The following OVCH1 variants were observed in gnomAD, a reference collection of about 807,000 sequenced individuals.
OVCH1 encodes the protein ovochymase 1.
A neutral mutation model predicts 138.4 loss-of-function variants in OVCH1; 139 were observed. The ratio of observed to expected loss-of-function variants is 1.00; its 90% CI spans 0.87 to 1.16. The LOEUF is 1.16. Ranked by LOEUF, OVCH1 falls within the 50% of genes most tolerant of loss-of-function variation. OVCH1 has a pLI of 0.00. For missense variants in OVCH1, 1,367 were observed against 1,357.9 expected, an observed-to-expected ratio of 1.01 and a Z score of -0.11; for synonymous variants, 453 against 467.8, an observed-to-expected ratio of 0.97 and a Z score of 0.41.
chr12:29,464,006 T>C (rs1048969167), intron 18 of OVCH1, among the ~76,000 whole-genome samples: 11 of 152,184 alleles, frequency 7.2e-5, no homozygotes, highest in African/African-American at 2.2e-4. Flanking sequence ...AGTGGATAAA[T>C]TCTGTGCCAC....
chr12:29,469,864 T>C (rs1212013823), intron 16 of OVCH1, among the ~76,000 whole-genome samples: 1 of 152,064 alleles, frequency 6.6e-6, no homozygotes, highest in African/African-American at 2.4e-5. Context: ...GAGAGACTGG[T>C]TCTCAAAACA....
chr12:29,436,860 G>A (rs1941371546), intron 26 of OVCH1, among the ~76,000 whole-genome samples: 1 of 152,188 alleles, frequency 6.6e-6, no homozygotes, highest in African/African-American at 2.4e-5. Flanking sequence ...AGAGTGAGCA[G>A]CAGCAAGATT....
At chr12:29,404,425 G>A in the OVCH1 span, among the ~76,000 whole-genome samples, 1 of 152,162 alleles carries the variant, frequency 6.6e-6, no homozygotes, top group African/African-American at 2.4e-5. Flanking sequence ...CAGGGCACAG[G>A]TTGTTCTCTT....
At chr12:29,445,624 A>G (rs1489266619) in intron 22 of OVCH1, among the ~76,000 whole-genome samples, 2 of 152,184 alleles carry the variant, frequency 1.3e-5, no homozygotes, top group Non-Finnish European at 2.9e-5. Context: ...TCCAATATCC[A>G]TCATTATCTA....
At chr12:29,497,040 G>A (rs1943437117) in intron 1 of OVCH1, among the ~76,000 whole-genome samples, 1 of 152,170 alleles carries the variant, frequency 6.6e-6, no homozygotes, top group Non-Finnish European at 1.5e-5. Context: ...GGAGGCCCAG[G>A]TAGGCTGATC....
At chr12:29,483,824 G>A (rs993898922) in intron 8 of OVCH1, among the ~76,000 whole-genome samples, 8 of 151,990 alleles carry the variant, frequency 5.3e-5, no homozygotes, top group East Asian at 1.9e-4. Context: ...ATCCTTCAAC[G>A]CCTCATTTCA....
intron 25 of OVCH1, among the ~76,000 whole-genome samples, chr12:29,442,126 A>G (rs1565573079): frequency 6.6e-6 from 1 of 151,838 alleles, no homozygotes; most frequent in African/African-American, 2.4e-5. Flanking sequence ...TACTGGGTAT[A>G]TACCCAAAGG....
At chr12:29,421,322 A>C (rs1192649170) in intron 3 of OVCH1, among the ~76,000 whole-genome samples, 1 of 152,230 alleles carries the variant, frequency 6.6e-6, no homozygotes, top group Non-Finnish European at 1.5e-5. Context: ...GAAAAGTAAT[A>C]ACAAAACATT....
chr12:29,417,460 C>CAAAAAAAAA (rs759067203), intron 3 of OVCH1, among the ~76,000 whole-genome samples: 1 of 60,742 alleles, frequency 1.6e-5, no homozygotes. Context: ...CACTCCGTCT[C>CAAAAAAAAA]AAAAAAAAAA....
intron 26 of OVCH1, among the ~76,000 whole-genome samples, chr12:29,434,022 T>C (rs1287876046): frequency 1.1e-5 from 1 of 92,644 alleles, no homozygotes; most frequent in Admixed American, 1.7e-4. Flanking sequence ...CAAATGTTTC[T>C]CTATGATATC....
At chr12:29,478,433 CT>C (rs1185351206) in intron 9 of OVCH1, among the ~76,000 whole-genome samples, 1 of 152,056 alleles carries the variant, frequency 6.6e-6, no homozygotes, top group African/African-American at 2.4e-5. Flanking sequence ...AAAAAACTGC[CT>C]CAAAAGGAAG....
intron 8 of OVCH1, among the ~76,000 whole-genome samples, chr12:29,483,341 T>C (rs1174712396): frequency 6.6e-6 from 1 of 152,248 alleles, no homozygotes; most frequent in Non-Finnish European, 1.5e-5. Flanking sequence ...AAAAGCTTTA[T>C]TGGCATTCTA....
intron 3 of OVCH1, among the ~76,000 whole-genome samples, chr12:29,415,242 G>T (rs764266137): frequency 5.3e-5 from 8 of 152,112 alleles, no homozygotes; most frequent in Non-Finnish European, 1.0e-4. Context: ...AGATAAGAAA[G>T]TAAGGAAAGA....
chr12:29,458,002 G>C (rs1477975735), intron 19 of OVCH1, among the ~76,000 whole-genome samples: 1 of 152,170 alleles, frequency 6.6e-6, no homozygotes, highest in African/African-American at 2.4e-5. Flanking sequence ...GCAAGATATG[G>C]TCAGTTGGAA....
At chr12:29,430,588 T>A (rs1941251176) in intron 27 of OVCH1, among the ~76,000 whole-genome samples, 1 of 152,124 alleles carries the variant, frequency 6.6e-6, no homozygotes, top group Non-Finnish European at 1.5e-5. Flanking sequence ...TCAGGGAAAC[T>A]GGGGGAGAGC....
At chr12:29,456,460 C>T (rs1357384006) in intron 19 of OVCH1, among the ~76,000 whole-genome samples, 1 of 152,130 alleles carries the variant, frequency 6.6e-6, no homozygotes, top group Non-Finnish European at 1.5e-5. Flanking sequence ...AAGAAGCTCT[C>T]GTAGATGGAA....
At chr12:29,436,699 G>A (rs1197412655) in intron 26 of OVCH1, among the ~76,000 whole-genome samples, 1 of 145,112 alleles carries the variant, frequency 6.9e-6, no homozygotes, top group African/African-American at 2.9e-5. Flanking sequence ...TGAAGCCGCA[G>A]ACCTTCACAG....
intron 16 of OVCH1, 50 bp downstream of exon 16, chr12:29,471,752 C>G (rs763722355): frequency 3.9e-6 from 6 of 1,528,150 alleles, no homozygotes; most frequent in Non-Finnish European, 5.3e-6. Flanking sequence ...CTAGGCATTA[C>G]TTACAAATGC....
At chr12:29,470,457 GAACA>G (rs1942465102) in intron 16 of OVCH1, among the ~76,000 whole-genome samples, 2 of 152,130 alleles carry the variant, frequency 1.3e-5, no homozygotes, top group Non-Finnish European at 2.9e-5. Context: ...TTATGAGTGA[GAACA>G]TGCATTGTTT....
Sources: allele counts gnomAD v4.1 joint callset (sites outside exome capture counted in the v4.1 genomes callset), GRCh38; gene constraint gnomAD v4.1.1; transcripts MANE v1.5; gene names NCBI Gene and HGNC (gene_info 2026-07-23, HGNC 2026-07-21).